TAPBPL: variants seen among roughly 807,000 people sequenced by gnomAD.
TAPBPL encodes the protein TAP binding protein like.
A neutral mutation model predicts 44.8 loss-of-function variants in TAPBPL; 32 were observed. That is an observed-to-expected ratio of 0.71 (90% CI 0.54 to 0.96). The LOEUF (loss-of-function observed/expected upper bound fraction) is 0.96. Ranked by LOEUF, TAPBPL falls within the 40% of genes least tolerant of loss-of-function variation. The pLI, the probability that TAPBPL is intolerant of heterozygous loss-of-function variation, is 0.00. For synonymous variants in TAPBPL, 230 were observed against 240.7 expected (o/e 0.96, Z 0.41); for missense variants, 520 against 586.6 (o/e 0.89, Z 1.17).
chr12:6,465,970 T>C (rs1271584089), downstream of TAPBPL: 1 of 1,614,234 alleles, frequency 6.2e-7, no homozygotes, highest in Non-Finnish European at 8.5e-7. Flanking sequence ...TCCAGGACCT[T>C]GTCCACGTTC....
At chr12:6,464,434 G>T (rs1406140660), downstream of TAPBPL, 3 of 1,565,168 alleles carry the variant, frequency 1.9e-6, no homozygotes, top group Admixed American at 1.9e-5. Context: ...CATGAATGTG[G>T]ATGGCAATGG....
chr12:6,467,392 G>A (rs759390549), downstream of TAPBPL, among the ~76,000 whole-genome samples: 6 of 152,196 alleles, frequency 3.9e-5, no homozygotes, highest in African/African-American at 1.2e-4. Flanking sequence ...GGTCCAGGCT[G>A]AGGTGGTCTC....
the TAPBPL span, among the ~76,000 whole-genome samples, chr12:6,471,914 A>G: frequency 6.6e-6 from 1 of 152,236 alleles, no homozygotes; most frequent in Non-Finnish European, 1.5e-5. The surrounding 1 kb of genome is among the most constrained non-coding windows in gnomAD (Gnocchi z 4.0). Context: ...TATTGAAAAT[A>G]TGGGTTTATA....
At chr12:6,467,512 G>T (rs528584166), downstream of TAPBPL, among the ~76,000 whole-genome samples, 1 of 152,214 alleles carries the variant, frequency 6.6e-6, no homozygotes, top group African/African-American at 2.4e-5. Flanking sequence ...GTGGAACTTT[G>T]AACTTGAGAG....
rs145531892 is a variant in TAPBPL at position 6,462,242 on chromosome 12, TG to T, written c.*95del. On this transcript the variant is annotated 3_prime_UTR_variant, in exon 7 of 7. Transcript: ENST00000266556. ...CCAAACAACAACCAAGCCAGTTTAA[TG>T]GTAGGAATTTGTATTTTTTGCCTTT... 3,419 of 1,115,408 alleles carry T rather than the reference TG, an allele frequency of 3.1e-3. 76 individuals carry two copies. In the African/African-American group the frequency reaches 0.048, roughly 16 times the overall value. 69.1% of individuals were successfully genotyped at this position (1,115,408 alleles called of 1,614,324 possible).
chr12:6,458,717 A>G lies in TAPBPL; in HGVS notation c.977A>G (p.Tyr326Cys). The G allele has an allele frequency of 1.2e-6, 2 of 1,614,072 alleles. No individual in the cohort carries two copies. The highest frequency in any genetic ancestry group is 8.5e-7 in the Non-Finnish European group (1 of 1,180,026). The part of the protein sequence containing the change: ...LPTLICDIAG[Y>C]YPLDVVVTWT... ...ACCCTCATCTGCGACATTGCTGGCT[A>G]TTACCCTCTGGATGTGGTGGTGACG... is the stretch of plus-strand genomic sequence containing the variant. Residue 326 changes from tyrosine (Y) to cysteine (C), a missense_variant, in exon 5 of 7, where the codon TAT becomes TGT. Coordinates refer to ENST00000266556, the MANE Select transcript of TAPBPL (RefSeq NM_018009.5).
chr12:6,462,123 A>G lies in TAPBPL; in HGVS notation c.1381A>G (p.Thr461Ala). The change falls in exon 7 of 7, where the codon ACA becomes GCA. Residue 461 changes from threonine to alanine, a missense_variant. Coordinates refer to ENST00000266556, the MANE Select transcript of TAPBPL (RefSeq NM_018009.5). Reference protein sequence around the residue: ...TQSSHLHEDRTARVSQPS With the variant: ...TQSSHLHEDRAARVSQPS The stretch of plus-strand genomic sequence containing the variant: ...GAGCTCCCATCTCCATGAAGACCGC[A>G]CAGCGCGTGTAAGCCAGCCCAGCTG... 6.2e-7 allele frequency: 1 copy of G among 1,612,912 alleles called. No homozygotes were observed. The highest frequency in any genetic ancestry group is 8.5e-7 in the Non-Finnish European group (1 of 1,179,030).
downstream of TAPBPL, chr12:6,466,365 T>C (rs759597083): frequency 5.0e-6 from 8 of 1,609,438 alleles, no homozygotes; most frequent in African/African-American, 1.3e-5. Context: ...TGGAAAGACA[T>C]GTGCAGAGTA....
At chr12:6,465,352 A>T (rs1407757872), downstream of TAPBPL, 11 of 306,640 alleles carry the variant, frequency 3.6e-5, no homozygotes, top group Middle Eastern at 1.9e-3. Flanking sequence ...AAAGAAAAAG[A>T]AAAAAGTATA....
rs751653118 is a variant in TAPBPL, at chr12:6,462,090, G to A, written c.1348G>A (p.Asp450Asn). Residue 450 changes from aspartate to asparagine, a missense_variant, in exon 7 of 7, where the codon GAC (aspartate) becomes AAC (asparagine). Transcript: ENST00000266556. ...AERWETTSCA[D>N]TQSSHLHEDR... The stretch of plus-strand genomic sequence containing the variant: ...ACGCTGGGAGACCACTTCCTGTGCT[G>A]ACACACAGAGCTCCCATCTCCATGA... The A allele has an allele frequency of 6.2e-6, 10 of 1,613,404 alleles. No individual in the cohort carries two copies. The East Asian group carries it at 2.0e-4, about 32-fold the overall frequency.
chr12:6,462,177 G>T lies in TAPBPL; in HGVS notation c.*28G>T. 2.7e-6 allele frequency: 4 copies of T among 1,509,232 alleles called. No homozygotes were observed. Among genetic ancestry groups the T allele is most frequent in the Non-Finnish European group, 3.6e-6 (4 of 1,109,714 alleles). 93.5% of individuals were successfully genotyped at this position (1,509,232 alleles called of 1,614,324 possible). A position where few individuals can be genotyped will look rare whatever the true frequency, so the allele number is the denominator to read the frequency against. On this transcript the variant is annotated 3_prime_UTR_variant, in exon 7 of 7. Transcript: ENST00000266556. ...TAAAGCGACATGAGACTACTAGAAA[G>T]AAACGACACCCTTCCCCAAGCCCCC...
intron 1 of TAPBPL, 103 bp downstream of exon 1, chr12:6,452,415 C>T: frequency 6.8e-7 from 1 of 1,477,774 alleles, no homozygotes; most frequent in Non-Finnish European, 9.0e-7. Context: ...CCGGGGATGA[C>T]CCCATCGCCT....
At chr12:6,459,285 G>A (rs1303769196) in intron 5 of TAPBPL, among the ~76,000 whole-genome samples, 2 of 152,296 alleles carry the variant, frequency 1.3e-5, no homozygotes, top group African/African-American at 2.4e-5. Context: ...TTTGAGCCAA[G>A]TTAACTAGCT....
chr12:6,456,663 A>AT (rs1227321236), intron 3 of TAPBPL, among the ~76,000 whole-genome samples: 3 of 138,878 alleles, frequency 2.2e-5, no homozygotes, highest in Non-Finnish European at 3.1e-5. Flanking sequence ...TGTTTTTTAC[A>AT]TTTTTTTTGA....
chr12:6,452,144 C>T lies in TAPBPL; in HGVS notation c.-105C>T. 7.4e-7 allele frequency: 1 copy of T among 1,359,882 alleles called. No homozygotes were observed. The highest frequency in any genetic ancestry group is 1.0e-6 in the Non-Finnish European group (1 of 975,618). 84.2% of individuals were successfully genotyped at this position (1,359,882 alleles called of 1,614,324 possible). On this transcript the variant is annotated 5_prime_UTR_variant, in exon 1 of 7. Transcript: ENST00000266556. ...AGGGAAGAAACCTAAAGGCTGCAGG[C>T]TGCCAGGTGTGCTTGGAGAGCCCCC...
chr12:6,462,957 C>T, downstream of TAPBPL: 1 of 1,553,586 alleles, frequency 6.4e-7, no homozygotes. Context: ...CCCAGCATGG[C>T]CTCAGCCTCT....
At chr12:6,458,568 AG>A in intron 4 of TAPBPL, 76 bp from the exon 5 acceptor site, 1 of 1,528,888 alleles carries the variant, frequency 6.5e-7, no homozygotes, top group Non-Finnish European at 8.9e-7. Flanking sequence ...TCATCTTGGC[AG>A]GAAGAAAAGG....
chr12:6,462,430 A>C, downstream of TAPBPL: 1 of 491,616 alleles, frequency 2.0e-6, no homozygotes, highest in Non-Finnish European at 3.6e-6. Context: ...GGCAAACCGA[A>C]GAACGGGATG....
intron 3 of TAPBPL, among the ~76,000 whole-genome samples, chr12:6,456,532 T>G (rs544014328): frequency 1.3e-5 from 2 of 151,758 alleles, no homozygotes; most frequent in East Asian, 3.9e-4. Flanking sequence ...CCCAGCTAAT[T>G]TTTGTATTTT....
Sources: allele counts gnomAD v4.1 joint callset (sites outside exome capture counted in the v4.1 genomes callset), GRCh38; gene constraint gnomAD v4.1.1; non-coding constraint Gnocchi (gnomAD v3.1); transcripts MANE v1.5; gene names NCBI Gene and HGNC (gene_info 2026-07-23, HGNC 2026-07-21).